SCGB2B2: variants seen among roughly 807,000 people sequenced by gnomAD.
SCGB2B2 encodes the protein secretoglobin-like protein.
In SCGB2B2, 11 loss-of-function variants were observed where a neutral mutation model predicts 7.6. That is an observed-to-expected ratio of 1.45 (90% CI 0.91 to 2.40). The LOEUF is 2.40. Ranked by LOEUF, SCGB2B2 falls within the 30% of genes most tolerant of loss-of-function variation. SCGB2B2 has a pLI of 0.00. For missense variants in SCGB2B2, 104 were observed against 115.4 expected, an observed-to-expected ratio of 0.90 and a Z score of 0.45; for synonymous variants, 50 against 48.6, an observed-to-expected ratio of 1.03 and a Z score of -0.12.
At chr19:34,634,555 G>A (rs528134045) in intron 1 of SCGB2B2, among the ~76,000 whole-genome samples, 1 of 5,520 alleles carries the variant, frequency 1.8e-4, no homozygotes, top group Non-Finnish European at 6.3e-4. Context: ...ACTACACAAA[G>A]CTACTTTCAG....
intron 1 of SCGB2B2, among the ~76,000 whole-genome samples, chr19:34,649,929 C>T (rs758757633): frequency 2.0e-5 from 3 of 151,172 alleles, no homozygotes; most frequent in Non-Finnish European, 4.4e-5. Context: ...CAATGCCTGA[C>T]CATCTGTTCT....
chr19:34,670,395 C>T (rs111491172), intron 1 of SCGB2B2, among the ~76,000 whole-genome samples: 2,490 of 152,340 alleles, frequency 0.016, 42 homozygotes, highest in South Asian at 0.084. Flanking sequence ...TCCATATCCT[C>T]ACCAACACTT....
At chr19:34,587,160 G>A (rs1169694579), downstream of SCGB2B2, among the ~76,000 whole-genome samples, 3 of 152,014 alleles carry the variant, frequency 2.0e-5, no homozygotes, top group South Asian at 2.1e-4. Context: ...CACCTGCCTC[G>A]GCCTCCCAAA....
intron 1 of SCGB2B2, among the ~76,000 whole-genome samples, chr19:34,623,262 G>T (rs191720178): frequency 1.1e-4 from 16 of 152,234 alleles, no homozygotes; most frequent in Non-Finnish European, 2.1e-4. Flanking sequence ...GAGTGAAGTT[G>T]GGACTTTCCT....
chr19:34,589,195 G>A (rs924758453), downstream of SCGB2B2, among the ~76,000 whole-genome samples: 5 of 152,176 alleles, frequency 3.3e-5, no homozygotes, highest in African/African-American at 1.2e-4. Context: ...CCTAAGACTG[G>A]AGTGACCTTG....
intron 1 of SCGB2B2, among the ~76,000 whole-genome samples, chr19:34,668,477 C>T (rs1258274389): frequency 5.3e-5 from 8 of 152,222 alleles, no homozygotes; most frequent in South Asian, 4.1e-4. Context: ...CGAGCGCCGC[C>T]CCCTGCTCCA....
At chr19:34,662,919 A>G (rs1277109430) in intron 1 of SCGB2B2, among the ~76,000 whole-genome samples, 1 of 152,120 alleles carries the variant, frequency 6.6e-6, no homozygotes, top group African/African-American at 2.4e-5. Context: ...CGGCTGAGAG[A>G]GACCCTGTCT....
rs2065335680 is a variant in SCGB2B2, at chr19:34,592,887, C to T, written c.*668G>A. Among the ~76,000 whole-genome samples the T allele has an allele frequency of 6.6e-6, 1 of 152,044 alleles. No homozygotes were observed. Among genetic ancestry groups the T allele is most frequent in the Non-Finnish European group, 1.5e-5 (1 of 67,996 alleles). On this transcript the variant is annotated 3_prime_UTR_variant, in exon 4 of 4. Transcript: ENST00000601241. Reference sequence around the variant, plus strand: ...ACTTAGCCAGGAGGGTGTGATTTCCCAGCCTCCAGCATCCCGAGTCCTGGG... The same window carrying T: ...ACTTAGCCAGGAGGGTGTGATTTCCTAGCCTCCAGCATCCCGAGTCCTGGG...
At chr19:34,675,354 CTG>C (rs2067896536) in intron 1 of SCGB2B2, among the ~76,000 whole-genome samples, 1 of 152,090 alleles carries the variant, frequency 6.6e-6, no homozygotes. Context: ...TTTTTTAAAA[CTG>C]TGGCTGCTAT....
intron 1 of SCGB2B2, among the ~76,000 whole-genome samples, chr19:34,668,988 T>C (rs1259962371): frequency 6.6e-6 from 1 of 152,024 alleles, no homozygotes; most frequent in African/African-American, 2.4e-5. Context: ...GGAAGCTTTG[T>C]TCTTTTGCTC....
intron 1 of SCGB2B2, among the ~76,000 whole-genome samples, chr19:34,658,554 G>C (rs952585753): frequency 1.3e-5 from 2 of 152,070 alleles, no homozygotes; most frequent in Non-Finnish European, 2.9e-5. Context: ...AAACCAGGAA[G>C]AAGTTGAATC....
At chr19:34,645,979 G>T in intron 1 of SCGB2B2, 1 of 323,250 alleles carries the variant, frequency 3.1e-6, no homozygotes, top group Non-Finnish European at 6.1e-6. Context: ...TACAACCCCA[G>T]CCCCCTGACA....
intron 1 of SCGB2B2, among the ~76,000 whole-genome samples, chr19:34,659,974 A>C (rs2067405247): frequency 6.6e-6 from 1 of 152,212 alleles, no homozygotes; most frequent in South Asian, 2.1e-4. Context: ...CTCAGAAATA[A>C]CACCACATGT....
At chr19:34,635,536 G>A in intron 1 of SCGB2B2, 1 of 275,208 alleles carries the variant, frequency 3.6e-6, no homozygotes, top group Non-Finnish European at 7.5e-6. Context: ...AAACCCATGT[G>A]AACTCTCTGG....
rs547959360 is a variant in SCGB2B2 at position 34,676,345 on chromosome 19, A to C, written c.-2747T>G. The C allele has an allele frequency of 1.3e-5, 2 of 152,336 alleles. No homozygotes were observed. The highest frequency in any genetic ancestry group is 4.1e-4 in the South Asian group (2 of 4,830). The allele number at this position is 152,336 out of a possible 1,614,324, so 9.4% of individuals were successfully genotyped here. On this transcript the variant is annotated 5_prime_UTR_variant, in exon 1 of 4. Coordinates refer to ENST00000601241, the MANE Select transcript of SCGB2B2 (RefSeq NM_001025591.4). ...TAGCACGCTAAGAGAAACGCTCATC[A>C]GTGCCATGGCAATTTACAAATGCCA...
chr19:34,606,084 A>T (rs560536267), intron 1 of SCGB2B2, among the ~76,000 whole-genome samples: 17 of 151,816 alleles, frequency 1.1e-4, no homozygotes, highest in East Asian at 5.8e-4. Flanking sequence ...AAAATTTTTT[A>T]AAAAAATTTT....
chr19:34,655,021 C>T (rs997473577), intron 1 of SCGB2B2, among the ~76,000 whole-genome samples: 8 of 151,238 alleles, frequency 5.3e-5, no homozygotes, highest in African/African-American at 2.0e-4. Context: ...ATTCTCTGTA[C>T]CAATCAGTGT....
At chr19:34,593,654 G>C in intron 3 of SCGB2B2, 55 bp from the exon 4 acceptor site, 1 of 1,439,182 alleles carries the variant, frequency 6.9e-7, no homozygotes, top group East Asian at 2.5e-5. Context: ...AGGCTCCCCA[G>C]ACTCATCGTT....
At chr19:34,593,748 G>A (rs1012078480) in intron 3 of SCGB2B2, 149 bp from the exon 4 acceptor site, 5 of 653,552 alleles carry the variant, frequency 7.7e-6, no homozygotes, top group South Asian at 1.8e-5. Context: ...GATGGTGGAT[G>A]TGGGTTGTGT....
Sources: gnomAD v4.1 joint callset for allele counts (sites outside exome capture counted in the v4.1 genomes callset) on GRCh38, gnomAD v4.1.1 for gene constraint, MANE v1.5 for transcripts, NCBI Gene and HGNC (gene_info 2026-07-23, HGNC 2026-07-21) for gene names.